Variants in UTRN observed in about 807,000 individuals in gnomAD.
UTRN encodes the protein utrophin, also known as dystrophin-related protein 1.
A neutral mutation model predicts 463.9 loss-of-function variants in UTRN; 283 were observed. The observed-to-expected ratio is 0.61, with a 90% CI of 0.55 to 0.67. The LOEUF (loss-of-function observed/expected upper bound fraction) is 0.67, where lower values mean the gene tolerates loss of function less well. Among genes scored for constraint, UTRN ranks in the 30% least tolerant of loss-of-function variants. The pLI is 0.00. For missense variants in UTRN, 3,922 were observed against 4,084.3 expected, an observed-to-expected ratio of 0.96 and a Z score of 1.08; for synonymous variants, 1,442 against 1,431.5, an observed-to-expected ratio of 1.01 and a Z score of -0.17.
chr6:144,549,744 A>G (rs889116891), intron 47 of UTRN, among the ~76,000 whole-genome samples: 1 of 152,174 alleles, frequency 6.6e-6, no homozygotes, highest in Admixed American at 6.5e-5. Flanking sequence ...GGTATAGGGA[A>G]CAGAGTGAAT....
intron 57 of UTRN, among the ~76,000 whole-genome samples, chr6:144,757,023 A>G (rs891389915): frequency 3.3e-5 from 5 of 152,114 alleles, no homozygotes; most frequent in Non-Finnish European, 4.4e-5. Flanking sequence ...AATTGAGAAA[A>G]AAAGTATTGG....
At chr6:144,515,625 T>A (rs1795548456) in intron 37 of UTRN, among the ~76,000 whole-genome samples, 1 of 152,202 alleles carries the variant, frequency 6.6e-6, no homozygotes, top group Admixed American at 6.5e-5. Context: ...ATAGGACCTT[T>A]ATGAGAGTGC....
chr6:144,559,307 G>C (rs1024485743), intron 50 of UTRN, among the ~76,000 whole-genome samples: 1 of 151,820 alleles, frequency 6.6e-6, no homozygotes, highest in Non-Finnish European at 1.5e-5. Flanking sequence ...TGCATTTTCC[G>C]GGGGGTGGAA....
chr6:144,663,462 A>T (rs1780085971), intron 51 of UTRN, among the ~76,000 whole-genome samples: 1 of 152,136 alleles, frequency 6.6e-6, no homozygotes, highest in Non-Finnish European at 1.5e-5. Context: ...GACTTTAGGG[A>T]CTATTAACAT....
chr6:144,844,821 T>TA (rs1412677684), intron 73 of UTRN, among the ~76,000 whole-genome samples: 1 of 152,200 alleles, frequency 6.6e-6, no homozygotes, highest in African/African-American at 2.4e-5. Flanking sequence ...TGAGCCCCTG[T>TA]AACTAATGAG....
chr6:144,726,597 A>G (rs1787904872), intron 53 of UTRN, among the ~76,000 whole-genome samples: 1 of 152,140 alleles, frequency 6.6e-6, no homozygotes, highest in African/African-American at 2.4e-5. Flanking sequence ...TAGAAATGTC[A>G]CCTCTTTTGC....
intron 32 of UTRN, among the ~76,000 whole-genome samples, chr6:144,492,901 A>T (rs1016382924): frequency 3.3e-5 from 5 of 152,256 alleles, no homozygotes; most frequent in African/African-American, 1.2e-4. Flanking sequence ...TCCAACAGAC[A>T]GCAGTAGCCA....
At chr6:144,373,941 G>T (rs1322650550) in intron 2 of UTRN, among the ~76,000 whole-genome samples, 1 of 152,162 alleles carries the variant, frequency 6.6e-6, no homozygotes, top group Non-Finnish European at 1.5e-5. Flanking sequence ...AACAGGTCCT[G>T]GGATGGAGAG....
intron 51 of UTRN, among the ~76,000 whole-genome samples, chr6:144,675,113 G>A (rs572409296): frequency 2.4e-4 from 37 of 152,188 alleles, no homozygotes; most frequent in Middle Eastern, 3.4e-3. Flanking sequence ...TGGAACTCAC[G>A]GGCTACTGTT....
At chr6:144,754,872 C>A in intron 57 of UTRN, 74 bp downstream of exon 57, 1 of 1,408,570 alleles carries the variant, frequency 7.1e-7, no homozygotes, top group Non-Finnish European at 9.9e-7. Context: ...ATTGAAGAAG[C>A]CGTATTCCTT....
At chr6:144,351,871 GAA>G (rs1389439155) in intron 2 of UTRN, among the ~76,000 whole-genome samples, 1 of 152,158 alleles carries the variant, frequency 6.6e-6, no homozygotes, top group African/African-American at 2.4e-5. Context: ...ATCGCCAGTA[GAA>G]ATACCTCATC....
At chr6:144,664,783 C>T (rs1372263192) in intron 51 of UTRN, among the ~76,000 whole-genome samples, 3 of 151,624 alleles carry the variant, frequency 2.0e-5, no homozygotes, top group Non-Finnish European at 4.4e-5. Context: ...CAATTACTAT[C>T]CCAGAAACCT....
chr6:144,445,175 A>G (rs1459765176), intron 14 of UTRN, among the ~76,000 whole-genome samples: 1 of 151,736 alleles, frequency 6.6e-6, no homozygotes, highest in Non-Finnish European at 1.5e-5. Flanking sequence ...ACATAGTGAA[A>G]CCCCGTCTCC....
chr6:144,310,515 A>G (rs1206126880), intron 2 of UTRN, among the ~76,000 whole-genome samples: 1 of 149,230 alleles, frequency 6.7e-6, no homozygotes, highest in Non-Finnish European at 1.5e-5. Flanking sequence ...AGCCTGGGTA[A>G]CAAGAGTGAA....
intron 51 of UTRN, among the ~76,000 whole-genome samples, chr6:144,582,730 G>A (rs991434002): frequency 6.6e-6 from 1 of 152,210 alleles, no homozygotes; most frequent in East Asian, 1.9e-4. Flanking sequence ...TAGGCAGGCA[G>A]ATGAGAATCC....
At chr6:144,471,047 A>AGGGAGGGGGAGGGGG (rs1562450852) in intron 23 of UTRN, among the ~76,000 whole-genome samples, 2 of 30,814 alleles carry the variant, frequency 6.5e-5, no homozygotes, top group African/African-American at 1.3e-4. Context: ...GGAGGGGGAG[A>AGGGAGGGGGAGGGGG]GGGAGGGGGA....
chr6:144,399,345 A>G (rs1395363540), intron 2 of UTRN, among the ~76,000 whole-genome samples: 1 of 152,190 alleles, frequency 6.6e-6, no homozygotes. Flanking sequence ...AGTGATTCAC[A>G]TGTAGGGCCC....
chr6:144,583,555 AC>A, intron 51 of UTRN: 1 of 715,792 alleles, frequency 1.4e-6, no homozygotes, highest in South Asian at 1.5e-5. Context: ...TGCATCGCTT[AC>A]AAAGGATGGC....
rs770112762 is a variant in UTRN at position 144,473,729 on chromosome 6, A to G, written c.3076A>G (p.Thr1026Ala). 3 of 1,614,082 alleles carry G rather than the reference A, an allele frequency of 1.9e-6. No homozygotes were observed. Among genetic ancestry groups the G allele is most frequent in the Non-Finnish European group, 2.5e-6 (3 of 1,179,954 alleles). ...LTLRAFEADS[T>A]VIEKWMDGVK... The stretch of plus-strand genomic sequence containing the variant: ...TATCATGTTCGATTAGGCCGATTCA[A>G]CAGTCATTGAGAAGTGGATGGATGG... Residue 1026 changes from threonine (T) to alanine (A), a missense_variant, in exon 24 of 75, where the codon ACA becomes GCA. Physicochemically the swap from Thr to Ala is moderately conservative, Grantham distance 58. This residue lies in a region of UTRN where 2,349 missense variants were observed against 2,303.8 expected (regional missense o/e 1.02). Coordinates refer to ENST00000367545, the MANE Select transcript of UTRN (RefSeq NM_007124.3).
Sources: allele counts gnomAD v4.1 joint callset (sites outside exome capture counted in the v4.1 genomes callset), GRCh38; gene constraint gnomAD v4.1.1; regional missense constraint gnomAD v4.1.1; transcripts MANE v1.5; gene names NCBI Gene and HGNC (gene_info 2026-07-23, HGNC 2026-07-21).